CCDC136: variants seen among roughly 807,000 people sequenced by gnomAD.
The protein encoded by CCDC136 is coiled-coil domain-containing protein 136.
In CCDC136, 100 loss-of-function variants were observed where a neutral mutation model predicts 141.2. The observed-to-expected ratio is 0.71, with a 90% confidence interval of 0.60 to 0.84. CCDC136 has a LOEUF of 0.84. Among genes scored for constraint, CCDC136 ranks in the 40% least tolerant of loss-of-function variants. The probability of loss-of-function intolerance (pLI) is 0.00; values close to 1 mark genes in which losing one functional copy is unlikely to be tolerated. For synonymous variants in CCDC136, 474 were observed against 531.9 expected, an observed-to-expected ratio of 0.89 and a Z score of 1.50; for missense variants, 1,206 against 1,379.4, an observed-to-expected ratio of 0.87 and a Z score of 1.99.
At position 128,794,626 on chromosome 7, in the gene CCDC136, G is replaced by T; in HGVS notation, c.271+24G>T. 1.3e-6 allele frequency: 2 copies of T among 1,531,312 alleles called. No homozygotes were observed. Among genetic ancestry groups the T allele is most frequent in the Non-Finnish European group, 1.8e-6 (2 of 1,137,770 alleles). The allele number at this position is 1,531,312 out of a possible 1,614,324, so 94.9% of individuals were successfully genotyped here. A position where few individuals can be genotyped will look rare whatever the true frequency, so the allele number is the denominator to read the frequency against. ...GGGTGAGTGCCTGGGCCAGGGCCCA[G>T]TGCCCGGGCCCAGAGGCTCTGCACT... On this transcript the variant is annotated intron_variant, in intron 2 of 17. Coordinates refer to ENST00000297788, the MANE Select transcript of CCDC136 (RefSeq NM_022742.5). This position sits in a 1 kb window ranked among gnomAD's most constrained non-coding sequence, Gnocchi z 4.3.
Position 128,805,804 on chromosome 7 carries a change from G to A in CCDC136, c.992G>A (p.Arg331His), listed in dbSNP as rs764458731. Residue 331 changes from arginine (R) to histidine (H), a missense_variant, in exon 7 of 18, where the codon CGC (arginine) becomes CAC (histidine). Coordinates refer to ENST00000297788, the MANE Select transcript of CCDC136 (RefSeq NM_022742.5). The surrounding 1 kb of genome is among the most constrained non-coding windows in gnomAD (Gnocchi z 4.6). ...GAGTTGGAAGAGCTACAGCATCATCGCCAGGTCAGTGAGGAGGAGCAGAGG... is the reference window on the plus strand; with the variant it reads ...GAGTTGGAAGAGCTACAGCATCATCACCAGGTCAGTGAGGAGGAGCAGAGG... ...CCELEELQHH[R>H]QVSEEEQRRL... 1.7e-5 allele frequency: 28 copies of A among 1,613,386 alleles called. 1 individual carries two copies. The highest frequency in any genetic ancestry group is 9.9e-5 in the South Asian group (9 of 90,982).
rs976869371 is a variant in CCDC136, at chr7:128,821,589, G to A, written c.*6-210G>A. On this transcript the variant is annotated intron_variant, in intron 17 of 17. Transcript: ENST00000297788. The surrounding 1 kb of genome is among the most constrained non-coding windows in gnomAD (Gnocchi z 5.1). ...GAGAAACGGAGGCCTGAATACAGGC[G>A]GTCACCTAAGGTGGTGCGTACAGTG... 6.6e-6 allele frequency among the ~76,000 whole-genome samples: 1 copy of A among 152,120 alleles called. No individual in the cohort carries two copies. Among genetic ancestry groups the A allele is most frequent in the Non-Finnish European group, 1.5e-5 (1 of 68,022 alleles).
In CCDC136 at chr7:128,792,388, TG is replaced by T; in HGVS notation, c.-19del. On this transcript the variant is annotated 5_prime_UTR_variant, in exon 1 of 18. Coordinates refer to ENST00000297788, the MANE Select transcript of CCDC136 (RefSeq NM_022742.5). ...CTGTGAGAGGAAGAAGGGCCAACGC[TG>T]GGGGTCCCTGGAACGACGGGGGATG... 1 of 1,597,130 alleles carries T rather than the reference TG, an allele frequency of 6.3e-7. No homozygotes were observed. Among genetic ancestry groups the T allele is most frequent in the Non-Finnish European group, 8.5e-7 (1 of 1,170,434 alleles).
At chr7:128,797,197 C>A (rs1803166915) in intron 3 of CCDC136, among the ~76,000 whole-genome samples, 1 of 152,088 alleles carries the variant, frequency 6.6e-6, no homozygotes, top group Non-Finnish European at 1.5e-5. Flanking sequence ...AGTTTTGGGG[C>A]TAGGGGAGCC....
chr7:128,794,917 T>A lies in CCDC136; in HGVS notation c.346+149T>A. 4.6e-6 allele frequency: 3 copies of A among 649,824 alleles called. No individual in the cohort carries two copies. Among genetic ancestry groups the A allele is most frequent in the Non-Finnish European group, 8.2e-6 (3 of 365,396 alleles). The allele number at this position is 649,824 out of a possible 1,614,324, so 40.3% of individuals were successfully genotyped here. A position where few individuals can be genotyped will look rare whatever the true frequency, so the allele number is the denominator to read the frequency against. On this transcript the variant is annotated intron_variant, in intron 3 of 17. Transcript: ENST00000297788. This position sits in a 1 kb window ranked among gnomAD's most constrained non-coding sequence, Gnocchi z 4.3. ...TTTTCCTCTACTAGTCTCACCCTTT[T>A]CCTCTCCTTGTCTCTCCATCCTCCT...
upstream of CCDC136, chr7:128,791,444 G>C (rs1802145526): frequency 3.1e-6 from 4 of 1,279,264 alleles, no homozygotes; most frequent in East Asian, 9.5e-5. This position sits in a 1 kb window ranked among gnomAD's most constrained non-coding sequence, Gnocchi z 7.1. Context: ...CCCCGGGCTC[G>C]CGGCTGCGGC....
chr7:128,797,541 G>A (rs1803225892), intron 3 of CCDC136, among the ~76,000 whole-genome samples: 1 of 152,152 alleles, frequency 6.6e-6, no homozygotes, highest in African/African-American at 2.4e-5. Flanking sequence ...GTGCTTCAAG[G>A]AGACAGTGAT....
rs772690790 is a variant in CCDC136, at chr7:128,805,736, C to T, written c.949-25C>T. ...ATATGTGGTATCTGTAGTAAACAAGCCTCCCTGTTCCATTTCCCACATAGT... is the reference window on the plus strand; with the variant it reads ...ATATGTGGTATCTGTAGTAAACAAGTCTCCCTGTTCCATTTCCCACATAGT... On this transcript the variant is annotated intron_variant, in intron 6 of 17. Transcript: ENST00000297788. The surrounding 1 kb of genome is among the most constrained non-coding windows in gnomAD (Gnocchi z 4.6). 1.9e-6 allele frequency: 3 copies of T among 1,608,114 alleles called. No individual in the cohort carries two copies. The highest frequency in any genetic ancestry group is 2.7e-5 in the African/African-American group (2 of 74,866).
At position 128,816,752 on chromosome 7, in the gene CCDC136, G is replaced by A. The variant is rs1007399492; in HGVS notation, c.3363+821G>A. On this transcript the variant is annotated intron_variant, in intron 16 of 17. Coordinates refer to ENST00000297788, the MANE Select transcript of CCDC136 (RefSeq NM_022742.5). Reference sequence around the variant, plus strand: ...AGGGCTCAGAGTCCCTACAGAGTTAGAGTATTTCCTGTGTAAGTCCTCAGC... The same window carrying A: ...AGGGCTCAGAGTCCCTACAGAGTTAAAGTATTTCCTGTGTAAGTCCTCAGC... Among the ~76,000 whole-genome samples the A allele has an allele frequency of 2.6e-5, 4 of 152,216 alleles. No individual in the cohort carries two copies. In the East Asian group the frequency reaches 7.7e-4, roughly 29 times the overall value.
Position 128,812,038 on chromosome 7 carries a change from A to G in CCDC136, c.2267A>G (p.Glu756Gly). The G allele has an allele frequency of 6.2e-7, 1 of 1,614,026 alleles. No homozygotes were observed. The highest frequency in any genetic ancestry group is 8.5e-7 in the Non-Finnish European group (1 of 1,179,892). ...KSYGSMVPSN[E>G]NCRKTYDTTV... ...TATGGTAGCATGGTCCCCAGCAATG[A>G]GAACTGTCGCAAGACTTATGATACC... Residue 756 changes from glutamate (E) to glycine (G), a missense_variant, in exon 13 of 18, where the codon GAG becomes GGG. Coordinates refer to ENST00000297788, the MANE Select transcript of CCDC136 (RefSeq NM_022742.5).
At chr7:128,816,431 C>T (rs1414141036) in intron 16 of CCDC136, among the ~76,000 whole-genome samples, 1 of 152,084 alleles carries the variant, frequency 6.6e-6, no homozygotes, top group Admixed American at 6.6e-5. Context: ...GCTCATGTTG[C>T]CCCCTGGATT....
chr7:128,812,639 G>A (rs555099665), intron 13 of CCDC136, 69 bp from the exon 14 acceptor site: 26 of 1,224,250 alleles, frequency 2.1e-5, no homozygotes, highest in Non-Finnish European at 2.9e-5. Context: ...TCCAGGGAAG[G>A]GCCCAGCAGA....
rs1317469253 is a variant in CCDC136, at chr7:128,820,569, A to G, written c.*6-1230A>G. 2.6e-5 allele frequency among the ~76,000 whole-genome samples: 4 copies of G among 152,122 alleles called. No homozygotes were observed. The East Asian group carries it at 5.8e-4, about 22-fold the overall frequency. Reference sequence around the variant, plus strand: ...AGGATAGAGGCATCTGAGCATATAAATATTTTTTTCTAGCTAGCTCCCTTC... The same window carrying G: ...AGGATAGAGGCATCTGAGCATATAAGTATTTTTTTCTAGCTAGCTCCCTTC... On this transcript the variant is annotated intron_variant, in intron 17 of 17. Transcript: ENST00000297788.
chr7:128,819,055 C>T (rs568850756), intron 17 of CCDC136, among the ~76,000 whole-genome samples: 9 of 152,204 alleles, frequency 5.9e-5, no homozygotes, highest in South Asian at 2.1e-4. Context: ...TTAGGTATTC[C>T]CTTTACTCCC....
chr7:128,809,111 A>C, intron 10 of CCDC136: 1 of 367,632 alleles, frequency 2.7e-6, no homozygotes, highest in Non-Finnish European at 4.0e-6. Context: ...GGGTGGGAAT[A>C]TGGTGTATAA....
rs748881092 is a variant in CCDC136, at chr7:128,801,280, G to T, written c.441G>T (p.Gln147His). 5 of 1,613,934 alleles carry T rather than the reference G, an allele frequency of 3.1e-6. No individual in the cohort carries two copies. The highest frequency in any genetic ancestry group is 4.2e-6 in the Non-Finnish European group (5 of 1,179,886). Residue 147 changes from glutamine (Q) to histidine (H), a missense_variant, in exon 4 of 18, where the codon CAG becomes CAT. Physicochemically the swap from Gln to His is conservative, Grantham distance 24. Transcript: ENST00000297788. ...TAGAACAGGAATTGCATTTGGCCCA[G>T]GCTGAGATCCAGAGTCTGCGGCAAG... The part of the protein sequence containing the change: ...KEIEQELHLA[Q>H]AEIQSLRQAA...
rs184242384 is a variant in CCDC136, at chr7:128,822,062, G to A, written c.*269G>A. 2,643 of 1,187,940 alleles carry A rather than the reference G, an allele frequency of 2.2e-3. 5 individuals are homozygous for A. The highest frequency in any genetic ancestry group is 2.7e-3 in the Non-Finnish European group (2,500 of 939,288). The allele number at this position is 1,187,940 out of a possible 1,614,324, so 73.6% of individuals were successfully genotyped here. Reference sequence around the variant, plus strand: ...CAGGCTGAAAAGGCTTGTGGGGAGCGGCTGACTTCCATCTCCTGCCTTGTG... The same window carrying A: ...CAGGCTGAAAAGGCTTGTGGGGAGCAGCTGACTTCCATCTCCTGCCTTGTG... On this transcript the variant is annotated 3_prime_UTR_variant, in exon 18 of 18. Transcript: ENST00000297788.
At chr7:128,803,992 T>G (rs141946648) in intron 4 of CCDC136, among the ~76,000 whole-genome samples, 197 of 152,252 alleles carry the variant, frequency 1.3e-3, no homozygotes, top group African/African-American at 4.7e-3. Context: ...TTTTTGTATT[T>G]TTAGTAGAGA....
Position 128,792,012 on chromosome 7 carries a change from G to A in CCDC136, c.-400G>A. 2 of 1,194,952 alleles carry A rather than the reference G, an allele frequency of 1.7e-6. No individual in the cohort carries two copies. Among genetic ancestry groups the A allele is most frequent in the Admixed American group, 4.4e-5 (1 of 22,596 alleles). The allele number at this position is 1,194,952 out of a possible 1,614,324, so 74.0% of individuals were successfully genotyped here. On this transcript the variant is annotated 5_prime_UTR_variant, in exon 1 of 18. Coordinates refer to ENST00000297788, the MANE Select transcript of CCDC136 (RefSeq NM_022742.5). Reference sequence around the variant, plus strand: ...CAGCCTTTCAGCCTCTTCTTCACTGGCTCCCGCCCTCTTTCAGTCTTGGCC... The same window carrying A: ...CAGCCTTTCAGCCTCTTCTTCACTGACTCCCGCCCTCTTTCAGTCTTGGCC...
Sources: allele counts gnomAD v4.1 joint callset (sites outside exome capture counted in the v4.1 genomes callset), GRCh38; gene constraint gnomAD v4.1.1; non-coding constraint Gnocchi (gnomAD v3.1); transcripts MANE v1.5; gene names NCBI Gene and HGNC (gene_info 2026-07-23, HGNC 2026-07-21).